Variants in DENND1A observed in about 807,000 individuals in gnomAD.
DENND1A encodes DENN domain-containing protein 1A.
A neutral mutation model predicts 113.7 loss-of-function variants in DENND1A; 51 were observed. That is an observed-to-expected ratio of 0.45 (90% CI 0.36 to 0.57). The LOEUF (loss-of-function observed/expected upper bound fraction) is 0.57, where lower values mean the gene tolerates loss of function less well. DENND1A is among the 20% of genes least tolerant of loss of function. The pLI, the probability that DENND1A is intolerant of heterozygous loss-of-function variation, is 0.00. For missense variants in DENND1A, 1,258 were observed against 1,395.9 expected (o/e 0.90, Z 1.57); for synonymous variants, 565 against 570.8 (o/e 0.99, Z 0.14).
At chr9:123,434,194 T>A (rs775258234) in intron 19 of DENND1A, among the ~76,000 whole-genome samples, 1 of 152,088 alleles carries the variant, frequency 6.6e-6, no homozygotes, top group Non-Finnish European at 1.5e-5. Context: ...GCCTGGCTAA[T>A]TTTTGTATTT....
chr9:123,710,280 A>G (rs1198279009), intron 5 of DENND1A, among the ~76,000 whole-genome samples: 2 of 152,216 alleles, frequency 1.3e-5, no homozygotes, highest in Non-Finnish European at 2.9e-5. Context: ...GGGCTTTTGC[A>G]TGTCCTGTTT....
intron 18 of DENND1A, among the ~76,000 whole-genome samples, chr9:123,450,162 C>G (rs2047607390): frequency 6.6e-6 from 1 of 152,092 alleles, no homozygotes; most frequent in South Asian, 2.1e-4. Context: ...CCTCCCCACT[C>G]AGAGTCTCAA....
At chr9:123,651,196 ATAAT>A (rs1223378140) in intron 9 of DENND1A, among the ~76,000 whole-genome samples, 1 of 152,090 alleles carries the variant, frequency 6.6e-6, no homozygotes, top group Non-Finnish European at 1.5e-5. Flanking sequence ...AAAGTTCATT[ATAAT>A]TAATAAAAAA....
intron 9 of DENND1A, among the ~76,000 whole-genome samples, chr9:123,630,932 A>C (rs1018690253): frequency 6.6e-6 from 1 of 152,224 alleles, no homozygotes; most frequent in African/African-American, 2.4e-5. Flanking sequence ...ACAAATCCAG[A>C]ATATTCTTTA....
chr9:123,736,307 C>A lies in DENND1A; in HGVS notation c.302+21396G>T, dbSNP rs1401892007. ...CCAGAATCATACCCAAAGTCAGAGT[C>A]CAACAGGCTCCGGGCGGAGTCTAGA... is the stretch of plus-strand genomic sequence containing the variant. On this transcript the variant is annotated intron_variant, in intron 5 of 23. Transcript: ENST00000394215. 6 of 152,160 alleles carry A rather than the reference C, an allele frequency of 3.9e-5. No individual in the cohort carries two copies. In the South Asian group the frequency reaches 6.2e-4, roughly 16 times the overall value. The allele number at this position is 152,160 out of a possible 1,614,324, so 9.4% of individuals were successfully genotyped here.
At chr9:123,792,557 C>T (rs2132053661) in intron 3 of DENND1A, 30 bp downstream of exon 3, 1 of 1,608,102 alleles carries the variant, frequency 6.2e-7, no homozygotes, top group Non-Finnish European at 8.5e-7. Flanking sequence ...TAAATTTTGT[C>T]ATGTAAAAAA....
chr9:123,611,494 T>C (rs1488911273), intron 10 of DENND1A, among the ~76,000 whole-genome samples: 1 of 152,186 alleles, frequency 6.6e-6, no homozygotes, highest in Non-Finnish European at 1.5e-5. Context: ...GAACCTTGCC[T>C]AATGTAATGA....
chr9:123,540,320 T>C (rs537318355), intron 13 of DENND1A, among the ~76,000 whole-genome samples: 3 of 152,342 alleles, frequency 2.0e-5, no homozygotes, highest in East Asian at 1.9e-4. Flanking sequence ...AGGAGTTAAG[T>C]AGCATGCCCA....
At position 123,477,098 on chromosome 9, in the gene DENND1A, G is replaced by C. The variant is rs572603486; in HGVS notation, c.994-19201C>G. On this transcript the variant is annotated intron_variant, in intron 13 of 23. Coordinates refer to ENST00000394215, the MANE Select transcript of DENND1A (RefSeq NM_001352964.2). ...TTTCAGATGAAGAAACTGAGGGCAG[G>C]GTATTCCATGAGCAGCTGAAGGTCA... 1.4e-4 allele frequency among the ~76,000 whole-genome samples: 21 copies of C among 152,316 alleles called. 2 individuals are homozygous for C. The South Asian group carries it at 4.1e-3, about 30-fold the overall frequency.
chr9:123,617,234 TGAG>T (rs954525048), intron 10 of DENND1A, among the ~76,000 whole-genome samples: 4 of 152,142 alleles, frequency 2.6e-5, no homozygotes, highest in Non-Finnish European at 5.9e-5. Context: ...TGACGATCCA[TGAG>T]GAGACCAGGA....
chr9:123,564,244 GT>G (rs1056898578), intron 12 of DENND1A, among the ~76,000 whole-genome samples: 4 of 152,260 alleles, frequency 2.6e-5, no homozygotes, highest in Non-Finnish European at 2.9e-5. Context: ...CAAGTAGAGT[GT>G]TTTTCCTTTA....
chr9:123,457,996 TTC>T (rs891163283), intron 13 of DENND1A, 99 bp from the exon 14 acceptor site: 13 of 929,400 alleles, frequency 1.4e-5, no homozygotes, highest in Non-Finnish European at 1.7e-5. Context: ...GCTATTTTTT[TTC>T]TTTTCCTTTT....
At chr9:123,803,840 C>T (rs905456113) in intron 2 of DENND1A, among the ~76,000 whole-genome samples, 3 of 152,198 alleles carry the variant, frequency 2.0e-5, no homozygotes, top group East Asian at 1.9e-4. Flanking sequence ...ACCACTTTGT[C>T]GCCTCCTACT....
chr9:123,590,216 A>G lies in DENND1A; in HGVS notation c.766-6946T>C, dbSNP rs572536524. On this transcript the variant is annotated intron_variant, in intron 11 of 23. Transcript: ENST00000394215. Reference sequence around the variant, plus strand: ...CCTAAGGTTTATCTGCACAATTAGAATAACACGTTGACTGTGACTTACTTA... The same window carrying G: ...CCTAAGGTTTATCTGCACAATTAGAGTAACACGTTGACTGTGACTTACTTA... 2.6e-5 allele frequency among the ~76,000 whole-genome samples: 4 copies of G among 152,318 alleles called. No homozygotes were observed. The East Asian group carries it at 7.7e-4, about 29-fold the overall frequency.
chr9:123,485,654 GCGCA>G (rs766486587), intron 13 of DENND1A: 2 of 44,170 alleles, frequency 4.5e-5, no homozygotes, highest in African/African-American at 1.3e-4. Context: ...ACGCGCGCGC[GCGCA>G]CACACACACA....
At chr9:123,454,819 G>A (rs1292510491) in intron 15 of DENND1A, 40 bp from the exon 16 acceptor site, 2 of 1,538,174 alleles carry the variant, frequency 1.3e-6, no homozygotes, top group East Asian at 2.4e-5. Flanking sequence ...ACTTAAAGAG[G>A]TGATTTGTCC....
intron 2 of DENND1A, among the ~76,000 whole-genome samples, chr9:123,852,153 A>AG (rs1174047963): frequency 1.3e-5 from 2 of 152,292 alleles, no homozygotes; most frequent in East Asian, 3.9e-4. Context: ...TGGTGGTGGT[A>AG]GGGACGGGGA....
intron 13 of DENND1A, among the ~76,000 whole-genome samples, chr9:123,493,827 G>A (rs914172734): frequency 3.3e-5 from 5 of 152,278 alleles, no homozygotes; most frequent in Non-Finnish European, 5.9e-5. Flanking sequence ...AGCACCAGGC[G>A]ACCATTGCTT....
intron 3 of DENND1A, among the ~76,000 whole-genome samples, chr9:123,771,495 T>C (rs1829722309): frequency 6.6e-6 from 1 of 152,178 alleles, no homozygotes; most frequent in East Asian, 1.9e-4. Flanking sequence ...TCATTGCCAA[T>C]ATCAGCTACA....
Sources: gnomAD v4.1 joint callset for allele counts (sites outside exome capture counted in the v4.1 genomes callset) on GRCh38, gnomAD v4.1.1 for gene constraint, MANE v1.5 for transcripts, NCBI Gene and HGNC (gene_info 2026-07-23, HGNC 2026-07-21) for gene names.